Variants in RPH3A observed in about 807,000 individuals in gnomAD.
RPH3A encodes rabphilin 3A.
A neutral mutation model predicts 102.2 loss-of-function variants in RPH3A; 48 were observed. The observed-to-expected ratio is 0.47, with a 90% CI of 0.37 to 0.60. RPH3A has a LOEUF of 0.60. RPH3A is among the 20% of genes least tolerant of loss of function. The probability of loss-of-function intolerance (pLI) is 0.00; values close to 1 mark genes in which losing one functional copy is unlikely to be tolerated. For synonymous variants in RPH3A, 310 were observed against 324.3 expected, an observed-to-expected ratio of 0.96 and a Z score of 0.47; for missense variants, 781 against 910.1, an observed-to-expected ratio of 0.86 and a Z score of 1.83.
At chr12:112,712,879 T>TTTCTTCTTCTTCTTCTTCTTCCTCTTC (rs2040472974) in intron 1 of RPH3A, among the ~76,000 whole-genome samples, 1 of 136,744 alleles carries the variant, frequency 7.3e-6, no homozygotes, top group African/African-American at 3.2e-5. Flanking sequence ...CTCACTTTTT[T>TTTCTTCTTCTTCTTCTTCTTCCTCTTC]TTCTTCTTCT....
In RPH3A at chr12:112,662,765, CA is replaced by C. The variant is rs111751138; in HGVS notation, c.-140+87460del. Among the ~76,000 whole-genome samples, 462 of 113,336 alleles carry C rather than the reference CA, an allele frequency of 4.1e-3. 1 individual carries two copies. The highest frequency in any genetic ancestry group is 5.7e-3 in the South Asian group (20 of 3,506). 74.4% of individuals were successfully genotyped at this position (113,336 alleles called of 152,430 possible). A position where few individuals can be genotyped will look rare whatever the true frequency, so the allele number is the denominator to read the frequency against. ...CTGTATTCCAATAAAACTTTGCTTA[CA>C]AAAAAAAAAAAAACAGGTAGCAGGC... On this transcript the variant is annotated intron_variant, in intron 1 of 21. Transcript: ENST00000543106.
chr12:112,601,037 A>G (rs549363045), intron 1 of RPH3A, among the ~76,000 whole-genome samples: 7 of 152,236 alleles, frequency 4.6e-5, no homozygotes, highest in Admixed American at 1.3e-4. Flanking sequence ...CGAGAACAAC[A>G]TGGGGGGAAC....
At chr12:112,777,141 A>G (rs2040974126) in intron 1 of RPH3A, among the ~76,000 whole-genome samples, 1 of 152,200 alleles carries the variant, frequency 6.6e-6, no homozygotes, top group African/African-American at 2.4e-5. Context: ...TTATGCAGAG[A>G]TAATATTAGC....
intron 1 of RPH3A, among the ~76,000 whole-genome samples, chr12:112,663,205 A>G (rs1206191448): frequency 6.6e-6 from 1 of 152,004 alleles, no homozygotes; most frequent in African/African-American, 2.4e-5. Flanking sequence ...ATGTGAGCCC[A>G]TAAATTCTTT....
chr12:112,725,683 TGATCAGATCGGA>T (rs879926649), intron 1 of RPH3A, among the ~76,000 whole-genome samples: 5 of 152,230 alleles, frequency 3.3e-5, no homozygotes, highest in Non-Finnish European at 7.3e-5. Flanking sequence ...GAGAGACCCG[TGATCAGATCGGA>T]GCTACCTGCC....
At chr12:112,703,470 A>G (rs1361586056) in intron 1 of RPH3A, among the ~76,000 whole-genome samples, 1 of 152,230 alleles carries the variant, frequency 6.6e-6, no homozygotes, top group Non-Finnish European at 1.5e-5. Flanking sequence ...TACTGAAGCC[A>G]TCCTCATGAA....
At chr12:112,799,149 A>C (rs1164638341) in intron 2 of RPH3A, among the ~76,000 whole-genome samples, 1 of 152,164 alleles carries the variant, frequency 6.6e-6, no homozygotes, top group Admixed American at 6.5e-5. Context: ...CACTTTGGGA[A>C]GCCAGGGCAG....
At chr12:112,680,837 A>C (rs918273523) in intron 1 of RPH3A, among the ~76,000 whole-genome samples, 1 of 151,996 alleles carries the variant, frequency 6.6e-6, no homozygotes, top group African/African-American at 2.4e-5. Flanking sequence ...TTTAATGCTG[A>C]TAGCTTCCAA....
chr12:112,731,024 A>G (rs2040629874), intron 1 of RPH3A, among the ~76,000 whole-genome samples: 1 of 152,226 alleles, frequency 6.6e-6, no homozygotes, highest in Non-Finnish European at 1.5e-5. Context: ...GCAATTTCCT[A>G]TAAGAAAAGA....
In RPH3A at chr12:112,876,683, G is replaced by A; in HGVS notation, c.988G>A (p.Glu330Lys). Residue 330 changes from glutamate (E) to lysine (K), a missense_variant, in exon 13 of 22, where the codon GAG becomes AAG. Transcript: ENST00000389385. The part of the protein sequence containing the change: ...SDPGTTAPPR[E>K]ERTGGVGGYP... ...CCCTGGGACCACTGCCCCACCCCGA[G>A]AGGAGAGAACAGGGGGAGTCGGGGG... 13 of 1,613,188 alleles carry A rather than the reference G, an allele frequency of 8.1e-6. No individual in the cohort carries two copies. The highest frequency in any genetic ancestry group is 1.1e-5 in the Non-Finnish European group (13 of 1,179,606).
chr12:112,678,299 AAGAAAGAG>A (rs2040199561), intron 1 of RPH3A, among the ~76,000 whole-genome samples: 3 of 41,382 alleles, frequency 7.2e-5, no homozygotes, highest in South Asian at 1.3e-3. Flanking sequence ...GAAAGAAAGA[AAGAAAGAG>A]AGAGAGAGAG....
Position 112,642,716 on chromosome 12 carries a change from A to G in RPH3A, c.-140+67397A>G, listed in dbSNP as rs539618933. ...TGTAAATGTTGTTAAGGCAGATGAT[A>G]GTAAATAATAATAATAATAATCCAC... On this transcript the variant is annotated intron_variant, in intron 1 of 21. Transcript: ENST00000543106. Among the ~76,000 whole-genome samples the G allele has an allele frequency of 9.8e-5, 15 of 152,312 alleles. 1 individual carries two copies. The South Asian group carries it at 3.1e-3, about 32-fold the overall frequency.
chr12:112,688,022 T>C (rs888196673), intron 1 of RPH3A, among the ~76,000 whole-genome samples: 1 of 152,224 alleles, frequency 6.6e-6, no homozygotes, highest in African/African-American at 2.4e-5. Flanking sequence ...CCTAAAGTCT[T>C]ATTCAGTGTC....
In RPH3A at chr12:112,875,706, C is replaced by T. The variant is rs1285968254; in HGVS notation, c.911C>T (p.Pro304Leu). Residue 304 changes from proline to leucine, a missense_variant, in exon 12 of 22, where the codon CCT (proline) becomes CTT (leucine). Transcript: ENST00000389385. ...PGTPGGSRPG[P>L]GPAGRFPDQK... is the part of the protein sequence containing the mutation. ...ACCCCAGGAGGAAGCAGACCGGGTC[C>T]TGGGCCAGCAGGACGCTTTCCAGAT... 1 of 1,613,910 alleles carries T rather than the reference C, an allele frequency of 6.2e-7. No homozygotes were observed. Among genetic ancestry groups the T allele is most frequent in the East Asian group, 2.2e-5 (1 of 44,854 alleles).
chr12:112,870,059 C>T lies in RPH3A; in HGVS notation c.796+20C>T. On this transcript the variant is annotated intron_variant, in intron 10 of 21. Transcript: ENST00000389385. ...CAGCAGGTGAGCAAGATGGGCAAAT[C>T]CAGAGACAGTTCTCTGGATAGGGAG... is the stretch of plus-strand genomic sequence containing the variant. 1 of 1,602,688 alleles carries T rather than the reference C, an allele frequency of 6.2e-7. No individual in the cohort carries two copies. The highest frequency in any genetic ancestry group is 8.5e-7 in the Non-Finnish European group (1 of 1,175,606).
chr12:112,810,435 G>C (rs144541541), intron 2 of RPH3A, among the ~76,000 whole-genome samples: 1 of 152,310 alleles, frequency 6.6e-6, no homozygotes, highest in Non-Finnish European at 1.5e-5. Context: ...CCCATTTGCT[G>C]CTCGGCCCTG....
At chr12:112,732,591 G>A (rs2040642435) in intron 1 of RPH3A, among the ~76,000 whole-genome samples, 1 of 152,234 alleles carries the variant, frequency 6.6e-6, no homozygotes, top group South Asian at 2.1e-4. Flanking sequence ...CACCCTAGTG[G>A]GAAGGAGAGG....
intron 1 of RPH3A, among the ~76,000 whole-genome samples, chr12:112,645,254 G>T (rs765750992): frequency 6.6e-6 from 1 of 152,092 alleles, no homozygotes; most frequent in African/African-American, 2.4e-5. Flanking sequence ...CTACAACAAA[G>T]GGTCATGTTG....
intron 2 of RPH3A, among the ~76,000 whole-genome samples, chr12:112,802,846 C>A (rs981507922): frequency 6.6e-6 from 1 of 152,088 alleles, no homozygotes; most frequent in Non-Finnish European, 1.5e-5. Context: ...CTCCCCAGGG[C>A]CTCTGTCCTC....
Sources: allele counts gnomAD v4.1 joint callset (sites outside exome capture counted in the v4.1 genomes callset), GRCh38; gene constraint gnomAD v4.1.1; transcripts MANE v1.5; gene names NCBI Gene and HGNC (gene_info 2026-07-23, HGNC 2026-07-21).